FLCN: variants seen among roughly 807,000 people sequenced by gnomAD.
FLCN encodes the protein BHD skin lesion fibrofolliculoma protein.
In FLCN, 22 loss-of-function variants were observed where a neutral mutation model predicts 62.5. That is an observed-to-expected ratio of 0.35 (90% CI 0.25 to 0.50). The LOEUF (loss-of-function observed/expected upper bound fraction) is 0.50. Ranked by LOEUF, FLCN falls within the 20% of genes least tolerant of loss-of-function variation. The pLI, the probability that FLCN is intolerant of heterozygous loss-of-function variation, is 0.97. For missense variants in FLCN, 657 were observed against 778.0 expected (o/e 0.84, Z 1.85); for synonymous variants, 319 against 310.0 (o/e 1.03, Z -0.30).
At chr17:17,221,118 G>A in intron 8 of FLCN, 3 of 1,363,124 alleles carry the variant, frequency 2.2e-6, no homozygotes, top group Middle Eastern at 2.8e-4. Flanking sequence ...GGGAAGCCCA[G>A]GCACCTGGGA....
intron 5 of FLCN, chr17:17,225,955 G>A (rs1048989038): frequency 4.4e-6 from 3 of 688,136 alleles, no homozygotes; most frequent in African/African-American, 3.5e-5. Flanking sequence ...AAGTGCAAAA[G>A]CTAGCACTCA....
chr17:17,225,757 AGTGGTCCCAGCCACCT>A, intron 5 of FLCN: 1 of 318,936 alleles, frequency 3.1e-6, no homozygotes, highest in African/African-American at 2.2e-5. Context: ...GGCACACACC[AGTGGTCCCAGCCACCT>A]GGGAGGCTAA....
chr17:17,216,613 C>T lies in FLCN; in HGVS notation c.1177-110G>A. 1 of 1,528,402 alleles carries T rather than the reference C, an allele frequency of 6.5e-7. No individual in the cohort carries two copies. Among genetic ancestry groups the T allele is most frequent in the Middle Eastern group, 1.7e-4 (1 of 5,900 alleles). The allele number at this position is 1,528,402 out of a possible 1,614,324, so 94.7% of individuals were successfully genotyped here. A position where few individuals can be genotyped will look rare whatever the true frequency, so the allele number is the denominator to read the frequency against. On this transcript the variant is annotated intron_variant, in intron 10 of 13. Coordinates refer to ENST00000285071, the MANE Select transcript of FLCN (RefSeq NM_144997.7). The surrounding 1 kb of genome is among the most constrained non-coding windows in gnomAD (Gnocchi z 4.0). ...CGCCTCCTGCAGCCCGGTCCAAGCC[C>T]TCCCTCCTGCCAGAGGAGTCCCCAG...
chr17:17,221,038 G>T (rs1008596475), intron 8 of FLCN: 2 of 684,362 alleles, frequency 2.9e-6, no homozygotes, highest in African/African-American at 1.8e-5. Context: ...CTGGCCCAGT[G>T]CTTCCAGGCT....
intron 8 of FLCN, chr17:17,219,639 G>A (rs1197665321): frequency 4.2e-5 from 7 of 167,544 alleles, no homozygotes; most frequent in Middle Eastern, 2.9e-3. Context: ...GCGCAATCTC[G>A]GCTCACTGCA....
At chr17:17,221,082 G>A in intron 8 of FLCN, 1 of 1,160,648 alleles carries the variant, frequency 8.6e-7, no homozygotes, top group Non-Finnish European at 1.1e-6. Context: ...CAAACACAGG[G>A]CCCCAAGCCC....
chr17:17,213,679 G>A lies in FLCN; in HGVS notation c.1716C>T (p.Pro572=). 2 of 1,614,210 alleles carry A rather than the reference G, an allele frequency of 1.2e-6. No individual in the cohort carries two copies. The highest frequency in any genetic ancestry group is 1.7e-6 in the Non-Finnish European group (2 of 1,180,030). Residue 572 remains proline, a synonymous_variant, in exon 14 of 14, where the codon CCC becomes CCT. Transcript: ENST00000285071. The part of the protein sequence containing the change: ...KSHLMSTVRS[P]TASESRN ...GTCAGTTCCGAGACTCCGAGGCTGT[G>A]GGGCTGCGGACCGTGGACATGAGGT... is the stretch of plus-strand genomic sequence containing the variant.
chr17:17,226,191 C>A lies in FLCN; in HGVS notation c.381G>T (p.Arg127=). 6.2e-7 allele frequency: 1 copy of A among 1,614,026 alleles called. No homozygotes were observed. The highest frequency in any genetic ancestry group is 1.7e-5 in the Admixed American group (1 of 60,016). The part of the protein sequence containing the change: ...LFSIVRQACV[R]SLSCEVCPGR... ...CAAGGCTCACCTCACAGCTCAGGCT[C>A]CGGACACAGGCCTGGCGGACAATGC... is the stretch of plus-strand genomic sequence containing the variant. Residue 127 remains arginine (R), a synonymous_variant, in exon 5 of 14, where the codon CGG becomes CGT. Transcript: ENST00000285071.
chr17:17,230,500 A>AG (rs1476937200), intron 3 of FLCN, among the ~76,000 whole-genome samples: 1 of 151,928 alleles, frequency 6.6e-6, no homozygotes, highest in African/African-American at 2.4e-5. Flanking sequence ...ACGGCACTCG[A>AG]GCCTGGGCAA....
intron 9 of FLCN, among the ~76,000 whole-genome samples, chr17:17,218,085 C>G (rs1359537514): frequency 3.9e-5 from 6 of 152,218 alleles, no homozygotes; most frequent in Non-Finnish European, 7.3e-5. Context: ...AAATAACTCT[C>G]TTCTAATGAA....
Position 17,222,608 on chromosome 17 carries a change from T to A in FLCN, c.672A>T (p.Thr224=). ...TCTGGTGTAGGAATGGCGTGAAGGC[T>A]GTGTTCATCCTCTGAGCACGCTGTG... ...GCPQRAQRMN[T]AFTPFLHQRN... Residue 224 remains threonine, a synonymous_variant, in exon 7 of 14, where the codon ACA becomes ACT. Transcript: ENST00000285071. The A allele has an allele frequency of 6.2e-7, 1 of 1,614,220 alleles. No homozygotes were observed. Among genetic ancestry groups the A allele is most frequent in the South Asian group, 1.1e-5 (1 of 91,090 alleles).
At chr17:17,229,313 A>T (rs1567827136) in intron 3 of FLCN, 1 of 152,316 alleles carries the variant, frequency 6.6e-6, no homozygotes, top group Non-Finnish European at 1.5e-5. Flanking sequence ...GAGTCACCCC[A>T]GTGACCAGGT....
At chr17:17,214,422 T>C (rs1431288689) in intron 13 of FLCN, among the ~76,000 whole-genome samples, 1 of 151,848 alleles carries the variant, frequency 6.6e-6, no homozygotes, top group African/African-American at 2.4e-5. Context: ...GCTAAAACCC[T>C]GTCTCTACTA....
At chr17:17,221,970 G>A (rs1472007225) in intron 7 of FLCN, among the ~76,000 whole-genome samples, 1 of 151,284 alleles carries the variant, frequency 6.6e-6, no homozygotes, top group Non-Finnish European at 1.5e-5. Context: ...GAGTCTGTCC[G>A]TTTTGTCGGA....
At chr17:17,222,214 G>A (rs991825298) in intron 7 of FLCN, among the ~76,000 whole-genome samples, 11 of 152,130 alleles carry the variant, frequency 7.2e-5, no homozygotes, top group Non-Finnish European at 1.3e-4. Flanking sequence ...ACAGGCGCCT[G>A]TAATCCCAGC....
intron 13 of FLCN, 64 bp from the exon 14 acceptor site, chr17:17,213,920 G>A: frequency 6.4e-7 from 1 of 1,563,300 alleles, no homozygotes; most frequent in Non-Finnish European, 8.8e-7. Context: ...CTGGTCACGG[G>A]GCCAACCAGG....
At chr17:17,221,992 T>C (rs1008262616) in intron 7 of FLCN, among the ~76,000 whole-genome samples, 2 of 150,852 alleles carry the variant, frequency 1.3e-5, no homozygotes, top group African/African-American at 4.9e-5. Flanking sequence ...ATGATCACAG[T>C]ATTGTGATTA....
rs398124537 is a variant in FLCN at position 17,228,088 on chromosome 17, C to T, written c.50G>A (p.Arg17His). Reference protein sequence around the residue: ...LCHFCELHGPRTLFCTEVLHA... With the variant: ...LCHFCELHGPHTLFCTEVLHA... ...CAGCACCTCCGTGCAGAAGAGAGTGCGGGGGCCGTGGAGCTCGCAGAAGTG... is the reference window on the plus strand; with the variant it reads ...CAGCACCTCCGTGCAGAAGAGAGTGTGGGGGCCGTGGAGCTCGCAGAAGTG... Residue 17 changes from arginine (R) to histidine (H), a missense_variant, in exon 4 of 14, where the codon CGC (arginine) becomes CAC (histidine). Coordinates refer to ENST00000285071, the MANE Select transcript of FLCN (RefSeq NM_144997.7). 11 of 1,613,372 alleles carry T rather than the reference C, an allele frequency of 6.8e-6. No individual in the cohort carries two copies. Among genetic ancestry groups the T allele is most frequent in the East Asian group, 2.2e-5 (1 of 44,892 alleles).
At position 17,216,097 on chromosome 17, in the gene FLCN, G is replaced by C. The variant is rs2046910946; in HGVS notation, c.1300+283C>G. Among the ~76,000 whole-genome samples, 1 of 152,142 alleles carries C rather than the reference G, an allele frequency of 6.6e-6. No individual in the cohort carries two copies. Among genetic ancestry groups the C allele is most frequent in the African/African-American group, 2.4e-5 (1 of 41,430 alleles). Reference sequence around the variant, plus strand: ...CCATCTCATAGGCACCCAATCACCAGGACGACCAGGATCCTCCGGCCAGGG... The same window carrying C: ...CCATCTCATAGGCACCCAATCACCACGACGACCAGGATCCTCCGGCCAGGG... On this transcript the variant is annotated intron_variant, in intron 11 of 13. Transcript: ENST00000285071. This position sits in a 1 kb window ranked among gnomAD's most constrained non-coding sequence, Gnocchi z 4.0.
Sources: allele counts gnomAD v4.1 joint callset (sites outside exome capture counted in the v4.1 genomes callset), GRCh38; gene constraint gnomAD v4.1.1; non-coding constraint Gnocchi (gnomAD v3.1); transcripts MANE v1.5; gene names NCBI Gene and HGNC (gene_info 2026-07-23, HGNC 2026-07-21).